Variants in PDS5A observed in about 807,000 individuals in gnomAD.
PDS5A encodes PDS5 cohesin associated factor A.
In PDS5A, 42 loss-of-function variants were observed where a neutral mutation model predicts 167.1. That is an observed-to-expected ratio of 0.25 (90% CI 0.20 to 0.33). The LOEUF is 0.33. Among genes scored for constraint, PDS5A ranks in the 10% least tolerant of loss-of-function variants. The pLI is 1.00. For synonymous variants in PDS5A, 553 were observed against 554.6 expected (o/e 1.00, Z 0.04); for missense variants, 1,033 against 1,605.9 (o/e 0.64, Z 6.10).
chr4:39,932,492 T>A (rs889243032), intron 2 of PDS5A: 1 of 227,776 alleles, frequency 4.4e-6, no homozygotes, highest in Admixed American at 4.2e-5. Flanking sequence ...GCTGTGAAGG[T>A]CCTGATGCCA....
intron 2 of PDS5A, among the ~76,000 whole-genome samples, chr4:39,949,831 A>AAAAAAAAAAAAAAG (rs1336523081): frequency 3.3e-5 from 5 of 149,506 alleles, no homozygotes; most frequent in East Asian, 3.9e-4. Context: ...GAAAAAAAAA[A>AAAAAAAAAAAAAAG]AAAAGAAAAA....
intron 26 of PDS5A, among the ~76,000 whole-genome samples, chr4:39,861,065 T>C (rs1240759545): frequency 1.4e-5 from 2 of 145,976 alleles, no homozygotes; most frequent in Non-Finnish European, 3.0e-5. Context: ...ACTTGTCTCA[T>C]TAAAAAAAAA....
chr4:39,975,296 C>CA (rs1730984895), intron 2 of PDS5A, among the ~76,000 whole-genome samples: 1 of 152,052 alleles, frequency 6.6e-6, no homozygotes, highest in Admixed American at 6.6e-5. Flanking sequence ...AAAAAGGCAA[C>CA]AAATTGCAGA....
At chr4:39,938,562 C>CAT (rs142400161) in intron 2 of PDS5A, among the ~76,000 whole-genome samples, 7,449 of 151,516 alleles carry the variant, frequency 0.049, 290 homozygotes, top group East Asian at 0.23. Flanking sequence ...TCAAAAAATA[C>CAT]ATATATATAT....
chr4:39,881,351 G>GT (rs777984259), intron 17 of PDS5A, among the ~76,000 whole-genome samples: 2,221 of 143,140 alleles, frequency 0.016, 19 homozygotes, highest in Admixed American at 0.023. Context: ...GTATTTTTTA[G>GT]TTTTTTTTTT....
intron 2 of PDS5A, among the ~76,000 whole-genome samples, chr4:39,941,204 AAAATTTGTG>A (rs1230663687): frequency 6.7e-6 from 1 of 148,870 alleles, no homozygotes; most frequent in Non-Finnish European, 1.5e-5. Flanking sequence ...AATAGATTTA[AAAATTTGTG>A]TAGTCCTAGA....
rs1459260749 is a variant in PDS5A at position 39,898,759 on chromosome 4, G to A, written c.1630+18C>T. The A allele has an allele frequency of 2.7e-6, 4 of 1,500,732 alleles. No individual in the cohort carries two copies. The highest frequency in any genetic ancestry group is 3.7e-6 in the Non-Finnish European group (4 of 1,088,878). 93.0% of individuals were successfully genotyped at this position (1,500,732 alleles called of 1,614,324 possible). A position where few individuals can be genotyped will look rare whatever the true frequency, so the allele number is the denominator to read the frequency against. ...TTTACGTTTACTACATGTTTAGTGAGTAAATAAACATACTCACTTGCTATG... is the reference window on the plus strand; with the variant it reads ...TTTACGTTTACTACATGTTTAGTGAATAAATAAACATACTCACTTGCTATG... On this transcript the variant is annotated intron_variant, in intron 15 of 32. Coordinates refer to ENST00000303538, the MANE Select transcript of PDS5A (RefSeq NM_001100399.2).
chr4:39,976,884 T>C (rs1173883998), intron 1 of PDS5A, among the ~76,000 whole-genome samples: 1 of 151,914 alleles, frequency 6.6e-6, no homozygotes, highest in African/African-American at 2.4e-5. Flanking sequence ...CCTTTCACAA[T>C]GAAATCCACC....
At chr4:39,929,286 T>C (rs1376230181) in intron 2 of PDS5A, among the ~76,000 whole-genome samples, 2 of 151,852 alleles carry the variant, frequency 1.3e-5, no homozygotes, top group Non-Finnish European at 2.9e-5. Context: ...GGTCCACTGT[T>C]AAGCTGGTGG....
intron 26 of PDS5A, among the ~76,000 whole-genome samples, chr4:39,853,433 T>C (rs1447961408): frequency 6.6e-6 from 1 of 152,190 alleles, no homozygotes; most frequent in Non-Finnish European, 1.5e-5. Context: ...GTCACCAGGA[T>C]TTTTAGCCAC....
intron 2 of PDS5A, among the ~76,000 whole-genome samples, chr4:39,954,733 G>T (rs1172866968): frequency 7.1e-6 from 1 of 140,402 alleles, no homozygotes; most frequent in Non-Finnish European, 1.5e-5. Flanking sequence ...AAAGCTATCA[G>T]ACAGAGACGT....
At chr4:39,844,995 G>A (rs570297644) in intron 29 of PDS5A, among the ~76,000 whole-genome samples, 194 bp from the exon 30 acceptor site, 5 of 152,188 alleles carry the variant, frequency 3.3e-5, no homozygotes, top group African/African-American at 1.2e-4. Context: ...ATCACTTGAG[G>A]CCATGAGTTC....
chr4:39,891,673 CATAT>C (rs142176937), intron 16 of PDS5A, among the ~76,000 whole-genome samples: 1 of 150,406 alleles, frequency 6.6e-6, no homozygotes, highest in Non-Finnish European at 1.5e-5. Context: ...CATATTCGTA[CATAT>C]ATATATATAT....
At chr4:39,848,994 A>T (rs749142368) in intron 27 of PDS5A, 24 bp from the exon 28 acceptor site, 17 of 1,510,900 alleles carry the variant, frequency 1.1e-5, no homozygotes, top group Non-Finnish European at 5.4e-6. Context: ...CGAATCATAT[A>T]TAACTTTTAG....
chr4:39,907,408 T>A (rs10034105), intron 11 of PDS5A, among the ~76,000 whole-genome samples: 37,183 of 151,842 alleles, frequency 0.24, 4,969 homozygotes, highest in East Asian at 0.44. Flanking sequence ...CAGACGAAAG[T>A]AATTTTCAAC....
intron 9 of PDS5A, among the ~76,000 whole-genome samples, chr4:39,912,588 C>T (rs958829235): frequency 1.3e-5 from 2 of 152,170 alleles, no homozygotes; most frequent in African/African-American, 4.8e-5. Context: ...AGTATGAGAA[C>T]TATTATGGTG....
chr4:39,944,143 C>A (rs1727512325), intron 2 of PDS5A, among the ~76,000 whole-genome samples: 1 of 135,338 alleles, frequency 7.4e-6, no homozygotes, highest in African/African-American at 2.8e-5. Context: ...CACACCACTG[C>A]AGTCCAGCCT....
intron 32 of PDS5A, among the ~76,000 whole-genome samples, chr4:39,828,347 CCT>C (rs1183528244): frequency 6.6e-6 from 1 of 152,186 alleles, no homozygotes; most frequent in African/African-American, 2.4e-5. Flanking sequence ...TGCATATCTT[CCT>C]CTCTCTGTTT....
At chr4:39,879,595 T>A (rs1188982789) in intron 18 of PDS5A, 133 bp downstream of exon 18, 1 of 539,390 alleles carries the variant, frequency 1.9e-6, no homozygotes, top group Non-Finnish European at 3.3e-6. Flanking sequence ...TTTTACATCA[T>A]CTAATTTCCA....
Sources: allele counts gnomAD v4.1 joint callset (sites outside exome capture counted in the v4.1 genomes callset), GRCh38; gene constraint gnomAD v4.1.1; transcripts MANE v1.5; gene names NCBI Gene and HGNC (gene_info 2026-07-23, HGNC 2026-07-21).